Variants in PWWP2B observed in about 807,000 individuals in gnomAD.
PWWP2B encodes PWWP domain containing 2B.
A neutral mutation model predicts 15.5 loss-of-function variants in PWWP2B; 9 were observed. The ratio of observed to expected loss-of-function variants is 0.58; its 90% confidence interval spans 0.35 to 1.02. The LOEUF is 1.02. PWWP2B is among the 50% of genes least tolerant of loss of function. PWWP2B has a pLI of 0.02. For synonymous variants in PWWP2B, 474 were observed against 403.6 expected (o/e 1.17, Z -2.09); for missense variants, 864 against 865.3 (o/e 1.00, Z 0.02).
Position 132,417,176 on chromosome 10 carries a change from G to C in PWWP2B, c.*132G>C. ...CCCACTGGGCACGGTGGTCGGCCTG[G>C]TGTGAGGCCCCCCGGGGACCGGCAG... is the stretch of plus-strand genomic sequence containing the variant. On this transcript the variant is annotated 3_prime_UTR_variant, in exon 3 of 3. Transcript: ENST00000305233. 1 of 1,379,452 alleles carries C rather than the reference G, an allele frequency of 7.2e-7. No homozygotes were observed. Among genetic ancestry groups the C allele is most frequent in the Non-Finnish European group, 1.0e-6 (1 of 970,450 alleles). 85.5% of individuals were successfully genotyped at this position (1,379,452 alleles called of 1,614,324 possible).
chr10:132,401,583 G>T (rs1251698105), intron 1 of PWWP2B, among the ~76,000 whole-genome samples: 1 of 152,246 alleles, frequency 6.6e-6, no homozygotes, highest in Non-Finnish European at 1.5e-5. Flanking sequence ...TCCCTAGGGG[G>T]TGGGTGTGTG....
chr10:132,412,307 C>T (rs564534797), intron 2 of PWWP2B, among the ~76,000 whole-genome samples: 1 of 151,100 alleles, frequency 6.6e-6, no homozygotes, highest in African/African-American at 2.5e-5. Flanking sequence ...TGTTGCCAGA[C>T]CTCCTACTTG....
chr10:132,414,449 A>T (rs909735766), intron 2 of PWWP2B, among the ~76,000 whole-genome samples: 10 of 151,998 alleles, frequency 6.6e-5, no homozygotes, highest in Admixed American at 6.5e-4. Flanking sequence ...CATGGCAGGG[A>T]CCCCACTTGT....
intron 2 of PWWP2B, among the ~76,000 whole-genome samples, chr10:132,411,902 G>A (rs2069787025): frequency 6.6e-6 from 1 of 152,236 alleles, no homozygotes; most frequent in South Asian, 2.1e-4. Context: ...CTGCTTCTGA[G>A]GACGGGTTTC....
Position 132,405,024 on chromosome 10 carries a change from A to G in PWWP2B, c.524A>G (p.Gln175Arg). Residue 175 changes from glutamine to arginine, a missense_variant, in exon 2 of 3, where the codon CAG (glutamine) becomes CGG (arginine). By Grantham distance (43) the Gln-to-Arg change is conservative. Transcript: ENST00000305233. The part of the protein sequence containing the change: ...ILSTIRLRPR[Q>R]VLCEKCKSTL... ...AGCACCATCCGCCTGCGGCCGCGCCAGGTGCTCTGTGAGAAGTGCAAGAGC... is the reference window on the plus strand; with the variant it reads ...AGCACCATCCGCCTGCGGCCGCGCCGGGTGCTCTGTGAGAAGTGCAAGAGC... 1 of 1,530,186 alleles carries G rather than the reference A, an allele frequency of 6.5e-7. No homozygotes were observed. Among genetic ancestry groups the G allele is most frequent in the Non-Finnish European group, 8.7e-7 (1 of 1,142,926 alleles). 94.8% of individuals were successfully genotyped at this position (1,530,186 alleles called of 1,614,324 possible).
chr10:132,409,062 G>C, intron 2 of PWWP2B, among the ~76,000 whole-genome samples: 1 of 152,360 alleles, frequency 6.6e-6, no homozygotes, highest in East Asian at 1.9e-4. Flanking sequence ...TGTCCCAGCC[G>C]GTCACCTGCT....
At chr10:132,398,202 C>A (rs1489101832) in intron 1 of PWWP2B, among the ~76,000 whole-genome samples, 2 of 152,254 alleles carry the variant, frequency 1.3e-5, no homozygotes, top group African/African-American at 4.8e-5. Context: ...ATCCGTGGAG[C>A]CCAGATTTTT....
rs377555083 is a variant in PWWP2B, at chr10:132,410,217, G to A, written c.*16+3928G>A. Among the ~76,000 whole-genome samples, 19 of 152,198 alleles carry A rather than the reference G, an allele frequency of 1.2e-4. No individual in the cohort carries two copies. The East Asian group carries it at 3.1e-3, about 25-fold the overall frequency. On this transcript the variant is annotated intron_variant, in intron 2 of 2. Coordinates refer to ENST00000305233, the MANE Select transcript of PWWP2B (RefSeq NM_138499.4). ...CTAGGGGAGCCACGGTCTGTGCCCCGCATCCTCAGGGGTGGCTCCAGTTCT... is the reference window on the plus strand; with the variant it reads ...CTAGGGGAGCCACGGTCTGTGCCCCACATCCTCAGGGGTGGCTCCAGTTCT...
intron 2 of PWWP2B, among the ~76,000 whole-genome samples, chr10:132,412,231 C>T (rs1010492663): frequency 6.6e-6 from 1 of 152,258 alleles, no homozygotes; most frequent in African/African-American, 2.4e-5. Context: ...GGCCCCTGCT[C>T]ACCCATGCCT....
At chr10:132,415,350 A>C in intron 2 of PWWP2B, among the ~76,000 whole-genome samples, 1 of 149,838 alleles carries the variant, frequency 6.7e-6, no homozygotes. Flanking sequence ...ATCCACTCAC[A>C]CACATCCACT....
At position 132,404,689 on chromosome 10, in the gene PWWP2B, C is replaced by A; in HGVS notation, c.189C>A (p.Asn63Lys). The A allele has an allele frequency of 6.2e-7, 1 of 1,612,648 alleles. No individual in the cohort carries two copies. The highest frequency in any genetic ancestry group is 8.5e-7 in the Non-Finnish European group (1 of 1,179,848). The change falls in exon 2 of 3, where the codon AAC (asparagine) becomes AAA (lysine). Residue 63 changes from asparagine to lysine, a missense_variant. This residue lies in a region of PWWP2B where 736 missense variants were observed against 687.7 expected (regional missense o/e 1.07). Coordinates refer to ENST00000305233, the MANE Select transcript of PWWP2B (RefSeq NM_138499.4). The part of the protein sequence containing the change: ...PLPQVDESPV[N>K]DSHGRAPEEG... ...CCCAGGTCGATGAGTCCCCTGTCAA[C>A]GACAGCCATGGCCGGGCTCCCGAGG...
At chr10:132,412,478 C>T (rs2069794188) in intron 2 of PWWP2B, among the ~76,000 whole-genome samples, 1 of 152,176 alleles carries the variant, frequency 6.6e-6, no homozygotes, top group Non-Finnish European at 1.5e-5. Context: ...CCTTCAGGGG[C>T]CGTGGGAGCT....
At chr10:132,403,073 T>C (rs1194774883) in intron 1 of PWWP2B, among the ~76,000 whole-genome samples, 1 of 152,202 alleles carries the variant, frequency 6.6e-6, no homozygotes, top group Admixed American at 6.5e-5. Flanking sequence ...GCTGCAGGGC[T>C]CAGTGAGACC....
chr10:132,399,000 TCTC>T (rs1249417304), intron 1 of PWWP2B, among the ~76,000 whole-genome samples: 1 of 106,344 alleles, frequency 9.4e-6, no homozygotes, highest in African/African-American at 3.7e-5. Flanking sequence ...GTCCGGCTGT[TCTC>T]CTCTCCCCCA....
In PWWP2B at chr10:132,405,541, C is replaced by T. The variant is rs11146364; in HGVS notation, c.1041C>T (p.Pro347=). 168,474 of 1,604,498 alleles carry T rather than the reference C, an allele frequency of 0.11. 9,760 individuals carry two copies. The highest frequency in any genetic ancestry group is 0.18 in the African/African-American group (13,653 of 74,990). Residue 347 remains proline (P), a synonymous_variant, in exon 2 of 3, where the codon CCC becomes CCT. Transcript: ENST00000305233. ...GTCTGGGGGACAGCGAGCACGAGCC[C>T]GTGTACCGGGCCGAGCTGGTGGGGG... The part of the protein sequence containing the change: ...PHRLGDSEHE[P]VYRAELVGEL...
chr10:132,399,856 G>A (rs531236175), intron 1 of PWWP2B, among the ~76,000 whole-genome samples: 11 of 152,340 alleles, frequency 7.2e-5, no homozygotes, highest in African/African-American at 2.6e-4. Context: ...GGCTCCGAGT[G>A]CGGAAGGGCT....
rs148757588 is a variant in PWWP2B, at chr10:132,406,078, G to A, written c.1578G>A (p.Ala526=). The A allele has an allele frequency of 5.1e-4, 829 of 1,613,666 alleles. No individual in the cohort carries two copies. The highest frequency in any genetic ancestry group is 5.9e-4 in the Non-Finnish European group (691 of 1,179,830). Residue 526 remains alanine (A), a synonymous_variant, in exon 2 of 3, where the codon GCG becomes GCA. Coordinates refer to ENST00000305233, the MANE Select transcript of PWWP2B (RefSeq NM_138499.4). ...KEDGEPSWRE[A]KVSWFGSPTT... ...ACGGAGAGCCGTCTTGGCGAGAAGC[G>A]AAGGTCTCGTGGTTTGGTTCTCCGA...
At chr10:132,411,866 C>T (rs1003852506) in intron 2 of PWWP2B, among the ~76,000 whole-genome samples, 9 of 152,236 alleles carry the variant, frequency 5.9e-5, no homozygotes, top group African/African-American at 2.2e-4. Flanking sequence ...TTTTCTCTTC[C>T]TCCAACTCTA....
In PWWP2B at chr10:132,404,044, C is replaced by CAGGACGGCATTCTCCAGGGCTCCCGT. The variant is rs1564873042; in HGVS notation, c.126-559_126-558insCGTAGGACGGCATTCTCCAGGGCTCC. 3.1e-4 allele frequency among the ~76,000 whole-genome samples: 21 copies of CAGGACGGCATTCTCCAGGGCTCCCGT among 67,116 alleles called. 1 individual carries two copies. In the East Asian group the frequency reaches 3.7e-3, roughly 12 times the overall value. The allele number at this position is 67,116 out of a possible 152,430, so 44.0% of individuals were successfully genotyped here. ...AGGACGGCATTCTCCAGGGCTCCTG[C>CAGGACGGCATTCTCCAGGGCTCCCGT]AGGACGGCATTCTCCAGGGCTCCTG... On this transcript the variant is annotated intron_variant, in intron 1 of 2. Coordinates refer to ENST00000305233, the MANE Select transcript of PWWP2B (RefSeq NM_138499.4).
Sources: gnomAD v4.1 joint callset for allele counts (sites outside exome capture counted in the v4.1 genomes callset) on GRCh38, gnomAD v4.1.1 for gene constraint, gnomAD v4.1.1 regional missense constraint, MANE v1.5 for transcripts, NCBI Gene and HGNC (gene_info 2026-07-23, HGNC 2026-07-21) for gene names.